The following ZNF385D variants were observed in gnomAD, a reference collection of about 807,000 sequenced individuals.
ZNF385D encodes the protein zinc finger protein 659.
A neutral mutation model predicts 35.8 loss-of-function variants in ZNF385D; 15 were observed. The observed-to-expected ratio is 0.42, with a 90% CI of 0.28 to 0.64. The LOEUF (loss-of-function observed/expected upper bound fraction) is 0.64. Ranked by LOEUF, ZNF385D falls within the 30% of genes least tolerant of loss-of-function variation. The pLI, the probability that ZNF385D is intolerant of heterozygous loss-of-function variation, is 0.23. For synonymous variants in ZNF385D, 212 were observed against 186.8 expected (o/e 1.13, Z -1.10); for missense variants, 474 against 494.6 (o/e 0.96, Z 0.39).
At chr3:21,425,815 T>G (rs1305964842) in intron 5 of ZNF385D, 145 bp from the exon 6 acceptor site, 3 of 648,522 alleles carry the variant, frequency 4.6e-6, no homozygotes, top group East Asian at 6.3e-5. Flanking sequence ...CTCATTTTAG[T>G]GCAGTTTTTC....
At chr3:21,594,399 T>C (rs140594559) in intron 2 of ZNF385D, among the ~76,000 whole-genome samples, 32 of 152,198 alleles carry the variant, frequency 2.1e-4, no homozygotes, top group African/African-American at 5.5e-4. Context: ...GAAATGCTCC[T>C]AGGAAAGACT....
chr3:21,558,367 T>C (rs1376181934), intron 3 of ZNF385D, among the ~76,000 whole-genome samples: 1 of 152,162 alleles, frequency 6.6e-6, no homozygotes, highest in Non-Finnish European at 1.5e-5. Context: ...TTTTTTCTCA[T>C]TGGTTTCAAA....
chr3:21,704,952 TC>T (rs2067844949), intron 1 of ZNF385D, among the ~76,000 whole-genome samples: 1 of 152,180 alleles, frequency 6.6e-6, no homozygotes. Flanking sequence ...AGAATATGTC[TC>T]ATATGGCTTG....
At chr3:21,571,891 G>A (rs1218239704) in intron 2 of ZNF385D, among the ~76,000 whole-genome samples, 1 of 152,056 alleles carries the variant, frequency 6.6e-6, no homozygotes, top group Non-Finnish European at 1.5e-5. Flanking sequence ...TCTCCCCATG[G>A]AATCGTGATG....
At chr3:21,788,823 T>C (rs904518477) in intron 3 of ZNF385D, among the ~76,000 whole-genome samples, 19 of 152,140 alleles carry the variant, frequency 1.2e-4, no homozygotes, top group African/African-American at 3.6e-4. Context: ...CCAACAACTG[T>C]AGAAGTTCAG....
intron 2 of ZNF385D, among the ~76,000 whole-genome samples, chr3:22,279,612 A>G (rs1042503667): frequency 1.5e-5 from 2 of 136,054 alleles, no homozygotes; most frequent in Admixed American, 7.5e-5. Context: ...GTATATACAT[A>G]TACATATATG....
chr3:21,956,564 T>C (rs1416282078), intron 3 of ZNF385D, among the ~76,000 whole-genome samples: 2 of 151,992 alleles, frequency 1.3e-5, no homozygotes, highest in African/African-American at 4.8e-5. Context: ...AACTGGAAGT[T>C]CCTGGCCAAC....
chr3:22,149,801 A>G (rs762255661), intron 3 of ZNF385D, among the ~76,000 whole-genome samples: 3 of 151,976 alleles, frequency 2.0e-5, no homozygotes, highest in Non-Finnish European at 4.4e-5. Flanking sequence ...CGCTTTTCTC[A>G]CCTTTCTCCC....
At chr3:21,679,715 T>C (rs2066840721) in intron 1 of ZNF385D, among the ~76,000 whole-genome samples, 1 of 151,948 alleles carries the variant, frequency 6.6e-6, no homozygotes, top group African/African-American at 2.4e-5. Flanking sequence ...GAAGGAGGTT[T>C]GGAGGGAGGG....
chr3:21,445,644 T>C (rs1046463017), intron 4 of ZNF385D, among the ~76,000 whole-genome samples: 3 of 152,314 alleles, frequency 2.0e-5, no homozygotes, highest in African/African-American at 7.2e-5. Flanking sequence ...TTATATTCTC[T>C]ACTCATTTAG....
chr3:21,510,446 T>C (rs916356741), intron 4 of ZNF385D, among the ~76,000 whole-genome samples: 5 of 152,194 alleles, frequency 3.3e-5, no homozygotes, highest in Admixed American at 2.0e-4. Flanking sequence ...ATAATGCCCT[T>C]ATTGGGGCCT....
At chr3:21,563,580 C>T (rs1017742010) in intron 3 of ZNF385D, among the ~76,000 whole-genome samples, 1 of 152,194 alleles carries the variant, frequency 6.6e-6, no homozygotes, top group Non-Finnish European at 1.5e-5. Context: ...TGCATCCTAT[C>T]TTCGTCACCA....
chr3:21,440,703 T>C (rs1559449599), intron 4 of ZNF385D, among the ~76,000 whole-genome samples: 1 of 152,170 alleles, frequency 6.6e-6, no homozygotes, highest in Non-Finnish European at 1.5e-5. Context: ...GATATATTCT[T>C]GAATCTTCTC....
intron 2 of ZNF385D, among the ~76,000 whole-genome samples, chr3:22,254,092 A>G (rs943650287): frequency 1.3e-5 from 2 of 151,902 alleles, no homozygotes; most frequent in African/African-American, 4.8e-5. Flanking sequence ...TGCACAGTGT[A>G]AAACCTACAA....
intron 3 of ZNF385D, among the ~76,000 whole-genome samples, chr3:22,106,903 C>T (rs1318053029): frequency 1.3e-5 from 2 of 152,128 alleles, no homozygotes; most frequent in African/African-American, 2.4e-5. Flanking sequence ...CCTAACTCTT[C>T]CTCTACTCTT....
intron 2 of ZNF385D, among the ~76,000 whole-genome samples, chr3:22,185,635 T>C (rs1370938462): frequency 6.6e-6 from 1 of 152,096 alleles, no homozygotes; most frequent in East Asian, 1.9e-4. Flanking sequence ...ACCCAGCTAA[T>C]TTTTGTATTT....
chr3:21,604,233 A>G (rs1241543227), intron 2 of ZNF385D, among the ~76,000 whole-genome samples: 3 of 152,136 alleles, frequency 2.0e-5, no homozygotes, highest in African/African-American at 4.8e-5. Context: ...ATGGAGACCT[A>G]TGTTTTTAAC....
intron 2 of ZNF385D, among the ~76,000 whole-genome samples, chr3:21,572,369 CTT>C (rs2063360871): frequency 6.6e-6 from 1 of 152,076 alleles, no homozygotes; most frequent in African/African-American, 2.4e-5. Flanking sequence ...TCCCAAGAAA[CTT>C]TCACTTCAGT....
chr3:21,830,294 A>C (rs2125760978), intron 3 of ZNF385D, among the ~76,000 whole-genome samples: 1 of 152,290 alleles, frequency 6.6e-6, no homozygotes, highest in South Asian at 2.1e-4. Context: ...TACTTGTTTA[A>C]GCAGTTTCTT....
Sources: allele counts gnomAD v4.1 joint callset (sites outside exome capture counted in the v4.1 genomes callset), GRCh38; gene constraint gnomAD v4.1.1; transcripts MANE v1.5; gene names NCBI Gene and HGNC (gene_info 2026-07-23, HGNC 2026-07-21).